Variants in LIN9 observed in about 807,000 individuals in gnomAD.
LIN9 encodes the protein protein lin-9 homolog.
In LIN9, 18 loss-of-function variants were observed where a neutral mutation model predicts 78.0. That is an observed-to-expected ratio of 0.23 (90% confidence interval 0.16 to 0.34). The LOEUF is 0.34. Ranked by LOEUF, LIN9 falls within the 10% of genes least tolerant of loss-of-function variation. The probability of loss-of-function intolerance (pLI) is 1.00; values close to 1 mark genes in which losing one functional copy is unlikely to be tolerated. For synonymous variants in LIN9, 192 were observed against 215.2 expected (o/e 0.89, Z 0.94); for missense variants, 451 against 644.1 (o/e 0.70, Z 3.25).
Position 226,232,473 on chromosome 1 carries a change from C to G in LIN9, c.*28G>C, listed in dbSNP as rs761639547. On this transcript the variant is annotated 3_prime_UTR_variant, in exon 15 of 15. Coordinates refer to ENST00000681046, the MANE Select transcript of LIN9 (RefSeq NM_001366245.2). ...AAAGAACTTCTCAAAAACAATGTCCCGTGCAGTTGGAATAATGAAATCTTT... is the reference window on the plus strand; with the variant it reads ...AAAGAACTTCTCAAAAACAATGTCCGGTGCAGTTGGAATAATGAAATCTTT... 1 of 1,422,824 alleles carries G rather than the reference C, an allele frequency of 7.0e-7. No homozygotes were observed. 88.1% of individuals were successfully genotyped at this position (1,422,824 alleles called of 1,614,324 possible).
At chr1:226,301,026 A>G (rs1169470083) in intron 2 of LIN9, 147 bp downstream of exon 2, 5 of 468,608 alleles carry the variant, frequency 1.1e-5, no homozygotes, top group African/African-American at 5.9e-5. Flanking sequence ...CTATAAAAGC[A>G]TATTAATTTA....
chr1:226,249,044 A>AT (rs1658663312), intron 11 of LIN9, among the ~76,000 whole-genome samples: 1 of 152,256 alleles, frequency 6.6e-6, no homozygotes, highest in Non-Finnish European at 1.5e-5. Context: ...TTGAAAGCAG[A>AT]TAAGATTAAC....
chr1:226,235,222 T>C (rs577274471), intron 12 of LIN9, among the ~76,000 whole-genome samples: 1 of 147,154 alleles, frequency 6.8e-6, no homozygotes, highest in Non-Finnish European at 1.5e-5. Flanking sequence ...CTGGGGAGGC[T>C]GAGGCAGGAG....
In LIN9 at chr1:226,266,297, G is replaced by C; in HGVS notation, c.852C>G (p.Ala284=). 6 of 1,602,308 alleles carry C rather than the reference G, an allele frequency of 3.7e-6. No individual in the cohort carries two copies. The highest frequency in any genetic ancestry group is 5.1e-6 in the Non-Finnish European group (6 of 1,172,558). ...NEPHETMPIA[A]FGQKQRPSRF... The stretch of plus-strand genomic sequence containing the variant: ...GAGAAGGCCGCTGTTTTTGTCCAAA[G>C]GCAGCAATTGGCATTGTCTCATGAG... The change falls in exon 9 of 15, where the codon GCC becomes GCG. Residue 284 remains alanine, a synonymous_variant. Coordinates refer to ENST00000681046, the MANE Select transcript of LIN9 (RefSeq NM_001366245.2).
intron 1 of LIN9, among the ~76,000 whole-genome samples, chr1:226,304,325 T>C (rs1311419812): frequency 6.6e-6 from 1 of 152,182 alleles, no homozygotes; most frequent in Non-Finnish European, 1.5e-5. Context: ...TGTGTCTCTC[T>C]CAAACTTTGT....
At position 226,231,858 on chromosome 1, in the gene LIN9, A is replaced by C. The variant is rs563580232; in HGVS notation, c.*643T>G. On this transcript the variant is annotated 3_prime_UTR_variant, in exon 15 of 15. Transcript: ENST00000681046. ...CCTTCATTTTCTTTCAACAAACAAC[A>C]AAGGTTTCTTTTATATGTTATGATA... is the stretch of plus-strand genomic sequence containing the variant. 3.6e-6 allele frequency: 1 copy of C among 276,046 alleles called. No homozygotes were observed. The highest frequency in any genetic ancestry group is 6.2e-5 in the East Asian group (1 of 16,068). 17.1% of individuals were successfully genotyped at this position (276,046 alleles called of 1,614,324 possible).
In LIN9 at chr1:226,276,933, G is replaced by A. The variant is rs553992799; in HGVS notation, c.682+842C>T. 4.6e-5 allele frequency among the ~76,000 whole-genome samples: 7 copies of A among 152,158 alleles called. No individual in the cohort carries two copies. In the South Asian group the frequency reaches 1.5e-3, roughly 32 times the overall value. ...TTAGTTTTATTCAATCATTAGAAATGGACTATTTCTAGACCCAAAGTCCAC... is the reference window on the plus strand; with the variant it reads ...TTAGTTTTATTCAATCATTAGAAATAGACTATTTCTAGACCCAAAGTCCAC... On this transcript the variant is annotated intron_variant, in intron 7 of 14. Coordinates refer to ENST00000681046, the MANE Select transcript of LIN9 (RefSeq NM_001366245.2).
chr1:226,234,677 G>C (rs1044136081), intron 12 of LIN9, among the ~76,000 whole-genome samples: 1 of 151,944 alleles, frequency 6.6e-6, no homozygotes, highest in African/African-American at 2.4e-5. Flanking sequence ...ACCAAGATCT[G>C]GGTCTAGTGT....
chr1:226,282,166 G>A (rs115838305), intron 6 of LIN9, among the ~76,000 whole-genome samples: 4,270 of 152,148 alleles, frequency 0.028, 93 homozygotes, highest in Non-Finnish European at 0.04. Flanking sequence ...ACCATCTTCT[G>A]TTTTTGTTTT....
chr1:226,303,286 T>C lies in LIN9; in HGVS notation c.32-2081A>G, dbSNP rs193254024. Among the ~76,000 whole-genome samples the C allele has an allele frequency of 7.4e-4, 113 of 152,134 alleles. 1 individual carries two copies. The highest frequency in any genetic ancestry group is 1.7e-3 in the African/African-American group (71 of 41,498). ...AATGGGAATACAACAGCAAGCAAAA[T>C]AGTCAAAGTCCCTGCTCTCATGGAA... On this transcript the variant is annotated intron_variant, in intron 1 of 14. Transcript: ENST00000681046.
chr1:226,284,532 T>A (rs772685892), intron 6 of LIN9, among the ~76,000 whole-genome samples: 5 of 152,168 alleles, frequency 3.3e-5, no homozygotes, highest in Non-Finnish European at 7.3e-5. Flanking sequence ...AAAACCAGCC[T>A]GGCCAACATG....
intron 6 of LIN9, 139 bp from the exon 7 acceptor site, chr1:226,278,071 C>A (rs941560428): frequency 3.2e-6 from 2 of 616,640 alleles, no homozygotes; most frequent in African/African-American, 1.9e-5. Context: ...TGGCTCACTG[C>A]AACCTCCATC....
chr1:226,281,816 CCT>C (rs555481836), intron 6 of LIN9, among the ~76,000 whole-genome samples: 60 of 151,950 alleles, frequency 3.9e-4, no homozygotes, highest in South Asian at 8.3e-4. Context: ...GCCTCAGCCC[CCT>C]GAGTAGCTGG....
At chr1:226,256,224 TA>T (rs775858484) in intron 10 of LIN9, among the ~76,000 whole-genome samples, 3 of 149,136 alleles carry the variant, frequency 2.0e-5, no homozygotes, top group Admixed American at 1.3e-4. Context: ...CTCTACATAC[TA>T]AAAAAAAGGA....
intron 3 of LIN9, among the ~76,000 whole-genome samples, chr1:226,297,212 G>C (rs1406233663): frequency 6.6e-6 from 1 of 152,102 alleles, no homozygotes; most frequent in Admixed American, 6.5e-5. Flanking sequence ...CCAACTCCAG[G>C]ACTGTTTCAT....
At chr1:226,303,693 C>T (rs553019507) in intron 1 of LIN9, among the ~76,000 whole-genome samples, 101 of 152,258 alleles carry the variant, frequency 6.6e-4, no homozygotes, top group African/African-American at 2.3e-3. Flanking sequence ...GCAACCTCCA[C>T]CTCCCGGGTT....
chr1:226,255,102 A>G (rs1324338875), intron 10 of LIN9, among the ~76,000 whole-genome samples: 6 of 152,014 alleles, frequency 3.9e-5, no homozygotes, highest in Admixed American at 3.3e-4. Context: ...GAACTGTAAT[A>G]TATGTGGTAG....
At chr1:226,250,973 G>C in intron 10 of LIN9, 54 bp from the exon 11 acceptor site, 1 of 854,978 alleles carries the variant, frequency 1.2e-6, no homozygotes, top group Non-Finnish European at 1.9e-6. Context: ...AGGTATATTG[G>C]TTAGACATTA....
chr1:226,275,199 G>A (rs1423000895), intron 7 of LIN9, among the ~76,000 whole-genome samples: 1 of 152,080 alleles, frequency 6.6e-6, no homozygotes, highest in Admixed American at 6.5e-5. Context: ...CCTTAAGGAG[G>A]CCCTGTGAAC....
Sources: gnomAD v4.1 joint callset for allele counts (sites outside exome capture counted in the v4.1 genomes callset) on GRCh38, gnomAD v4.1.1 for gene constraint, MANE v1.5 for transcripts, NCBI Gene and HGNC (gene_info 2026-07-23, HGNC 2026-07-21) for gene names.